The following JAGN1 variants were observed in gnomAD, a reference collection of about 807,000 sequenced individuals.
JAGN1 encodes the protein jagunal vesicle mediated transporter 1.
Under a neutral mutation model 17.1 loss-of-function variants are expected in JAGN1, and 13 were observed. The ratio of observed to expected loss-of-function variants is 0.76; its 90% CI spans 0.49 to 1.21. JAGN1 has a LOEUF of 1.21. Among genes scored for constraint, JAGN1 ranks in the 50% most tolerant of loss-of-function variants. JAGN1 has a pLI of 0.00. For synonymous variants in JAGN1, 111 were observed against 91.0 expected, an observed-to-expected ratio of 1.22 and a Z score of -1.25; for missense variants, 256 against 234.2, an observed-to-expected ratio of 1.09 and a Z score of -0.61.
Position 9,893,564 on chromosome 3 carries a change from T to G in JAGN1, c.*187T>G, listed in dbSNP as rs1339204063. 1.7e-6 allele frequency: 1 copy of G among 575,952 alleles called. No individual in the cohort carries two copies. The highest frequency in any genetic ancestry group is 3.0e-6 in the Non-Finnish European group (1 of 329,350). 35.7% of individuals were successfully genotyped at this position (575,952 alleles called of 1,614,324 possible). A position where few individuals can be genotyped will look rare whatever the true frequency, so the allele number is the denominator to read the frequency against. The stretch of plus-strand genomic sequence containing the variant: ...AAACTATAATTTATTCCTGGTTGGC[T>G]AGAACTGGGTGACCAACAGCTATGA... On this transcript the variant is annotated 3_prime_UTR_variant, in exon 2 of 2. Coordinates refer to ENST00000647897, the MANE Select transcript of JAGN1 (RefSeq NM_032492.4).
In JAGN1 at chr3:9,893,227, G is replaced by A; in HGVS notation, c.402G>A (p.Lys134=). 1.9e-6 allele frequency: 3 copies of A among 1,614,216 alleles called. No homozygotes were observed. The highest frequency in any genetic ancestry group is 2.5e-6 in the Non-Finnish European group (3 of 1,180,046). ...CACAGCAGCTCTACCGCCATGGCAA[G>A]GCCTACCGTTTCCTCTTTGGTTTTT... ...PAAQQLYRHG[K]AYRFLFGFSA... The change falls in exon 2 of 2, where the codon AAG becomes AAA. Residue 134 remains lysine, a synonymous_variant. Coordinates refer to ENST00000647897, the MANE Select transcript of JAGN1 (RefSeq NM_032492.4).
Position 9,890,656 on chromosome 3 carries a change from G to T in JAGN1, c.-67G>T. On this transcript the variant is annotated 5_prime_UTR_variant, in exon 1 of 2. Transcript: ENST00000647897. Reference sequence around the variant, plus strand: ...TGCGGGGGCGCAAATAGGGTCAGTGGGCCGCTTGGCGGTGTCGTTGCGGTA... The same window carrying T: ...TGCGGGGGCGCAAATAGGGTCAGTGTGCCGCTTGGCGGTGTCGTTGCGGTA... 2 of 1,483,012 alleles carry T rather than the reference G, an allele frequency of 1.3e-6. No homozygotes were observed. Among genetic ancestry groups the T allele is most frequent in the Admixed American group, 4.1e-5 (2 of 49,330 alleles). The allele number at this position is 1,483,012 out of a possible 1,614,324, so 91.9% of individuals were successfully genotyped here.
chr3:9,893,214 A>G lies in JAGN1; in HGVS notation c.389A>G (p.Tyr130Cys), dbSNP rs779485881. 16 of 1,614,010 alleles carry G rather than the reference A, an allele frequency of 9.9e-6. No homozygotes were observed. Among genetic ancestry groups the G allele is most frequent in the African/African-American group, 8.0e-5 (6 of 74,908 alleles). Residue 130 changes from tyrosine (Y) to cysteine (C), a missense_variant, in exon 2 of 2, where the codon TAC becomes TGC. By Grantham distance (194) the Tyr-to-Cys change is radical (BLOSUM62 -2). Transcript: ENST00000647897. ...MEMFPAAQQL[Y>C]RHGKAYRFLF... Reference sequence around the variant, plus strand: ...ATGTTCCCTGCTGCACAGCAGCTCTACCGCCATGGCAAGGCCTACCGTTTC... The same window carrying G: ...ATGTTCCCTGCTGCACAGCAGCTCTGCCGCCATGGCAAGGCCTACCGTTTC...
chr3:9,890,820 T>G lies in JAGN1; in HGVS notation c.89+9T>G, dbSNP rs2082557494. ...ATGCACTACCAGATGAGGTATGAAGTGAGGCGAGGAGCACGGAGGCTTTCT... is the reference window on the plus strand; with the variant it reads ...ATGCACTACCAGATGAGGTATGAAGGGAGGCGAGGAGCACGGAGGCTTTCT... On this transcript the variant is annotated intron_variant, in intron 1 of 1. Coordinates refer to ENST00000647897, the MANE Select transcript of JAGN1 (RefSeq NM_032492.4). 3.8e-6 allele frequency: 6 copies of G among 1,590,498 alleles called. No homozygotes were observed. In the East Asian group the frequency reaches 1.1e-4, roughly 30 times the overall value.
In JAGN1 at chr3:9,893,675, C is replaced by T. The variant is rs140146792; in HGVS notation, c.*298C>T. Reference sequence around the variant, plus strand: ...CTTGCCTCTACTCGGTCATTCTCCCCATTTCCATCCATTACCCCTTAGCCA... The same window carrying T: ...CTTGCCTCTACTCGGTCATTCTCCCTATTTCCATCCATTACCCCTTAGCCA... On this transcript the variant is annotated 3_prime_UTR_variant, in exon 2 of 2. Transcript: ENST00000647897. 417 of 365,014 alleles carry T rather than the reference C, an allele frequency of 1.1e-3. No homozygotes were observed. Among genetic ancestry groups the T allele is most frequent in the African/African-American group, 6.7e-3 (326 of 48,674 alleles). The allele number at this position is 365,014 out of a possible 1,614,324, so 22.6% of individuals were successfully genotyped here.
At chr3:9,892,785 C>T in intron 1 of JAGN1, 130 bp from the exon 2 acceptor site, 4 of 626,346 alleles carry the variant, frequency 6.4e-6, no homozygotes, top group African/African-American at 1.8e-5. Flanking sequence ...TTTTCCTCCT[C>T]TGTTCTTTGT....
At position 9,894,160 on chromosome 3, in the gene JAGN1, T is replaced by G. The variant is rs1236306695; in HGVS notation, c.*783T>G. The G allele has an allele frequency of 3.3e-5, 5 of 152,258 alleles. No individual in the cohort carries two copies. The allele number at this position is 152,258 out of a possible 1,614,324, so 9.4% of individuals were successfully genotyped here. A position where few individuals can be genotyped will look rare whatever the true frequency, so the allele number is the denominator to read the frequency against. On this transcript the variant is annotated 3_prime_UTR_variant, in exon 2 of 2. Coordinates refer to ENST00000647897, the MANE Select transcript of JAGN1 (RefSeq NM_032492.4). ...TTCAGTGTTAACTGGGTATCAGTTA[T>G]GAGTCTACTACTGTATAATGGCATC...
rs756567442 is a variant in JAGN1, at chr3:9,893,174, T to G, written c.349T>G (p.Tyr117Asp). 3 of 1,614,256 alleles carry G rather than the reference T, an allele frequency of 1.9e-6. No individual in the cohort carries two copies. The highest frequency in any genetic ancestry group is 8.5e-7 in the Non-Finnish European group (1 of 1,180,042). Residue 117 changes from tyrosine to aspartate, a missense_variant, in exon 2 of 2, where the codon TAT becomes GAT. Coordinates refer to ENST00000647897, the MANE Select transcript of JAGN1 (RefSeq NM_032492.4). ...MGLFSIAPLI[Y>D]GSMEMFPAAQ... ...ACTCTTTTCCATCGCTCCACTCATT[T>G]ATGGCAGCATGGAGATGTTCCCTGC...
Position 9,893,194 on chromosome 3 carries a change from C to T in JAGN1, c.369C>T (p.Phe123=). 2 of 1,614,210 alleles carry T rather than the reference C, an allele frequency of 1.2e-6. No individual in the cohort carries two copies. The highest frequency in any genetic ancestry group is 1.7e-6 in the Non-Finnish European group (2 of 1,180,040). The change falls in exon 2 of 2, where the codon TTC becomes TTT. Residue 123 remains phenylalanine (F), a synonymous_variant. Transcript: ENST00000647897. ...APLIYGSMEM[F]PAAQQLYRHG... is the part of the protein sequence containing the mutation. ...TCATTTATGGCAGCATGGAGATGTTCCCTGCTGCACAGCAGCTCTACCGCC... is the reference window on the plus strand; with the variant it reads ...TCATTTATGGCAGCATGGAGATGTTTCCTGCTGCACAGCAGCTCTACCGCC...
intron 1 of JAGN1, among the ~76,000 whole-genome samples, chr3:9,891,501 A>G (rs555662258): frequency 3.4e-4 from 52 of 152,126 alleles, no homozygotes; most frequent in Non-Finnish European, 6.8e-4. Flanking sequence ...AAGAAAAAAA[A>G]AACTGTTCCC....
chr3:9,893,275 G>C lies in JAGN1; in HGVS notation c.450G>C (p.Leu150=), dbSNP rs2082575494. The change falls in exon 2 of 2, where the codon CTG becomes CTC. Residue 150 remains leucine, a synonymous_variant. Coordinates refer to ENST00000647897, the MANE Select transcript of JAGN1 (RefSeq NM_032492.4). The part of the protein sequence containing the change: ...FGFSAVSIMY[L]VLVLAVQVHA... Reference sequence around the variant, plus strand: ...TTTCTGCCGTTTCCATCATGTACCTGGTGTTGGTGTTGGCAGTGCAAGTGC... The same window carrying C: ...TTTCTGCCGTTTCCATCATGTACCTCGTGTTGGTGTTGGCAGTGCAAGTGC... 2 of 1,614,168 alleles carry C rather than the reference G, an allele frequency of 1.2e-6. No homozygotes were observed. The highest frequency in any genetic ancestry group is 1.1e-5 in the South Asian group (1 of 91,078).
intron 1 of JAGN1, 86 bp downstream of exon 1, chr3:9,890,897 G>T: frequency 1.7e-6 from 2 of 1,195,036 alleles, no homozygotes; most frequent in Non-Finnish European, 2.4e-6. Flanking sequence ...CGGCCTCAGG[G>T]TCTTGCTCCC....
rs1188285496 is a variant in JAGN1 at position 9,893,317 on chromosome 3, C to A, written c.492C>A (p.Tyr164Ter). The A allele has an allele frequency of 1.2e-6, 2 of 1,614,064 alleles. No individual in the cohort carries two copies. The highest frequency in any genetic ancestry group is 2.7e-5 in the African/African-American group (2 of 74,930). ...LAVQVHAWQL[Y>*]YSKKLLDSWF... ...TGCAAGTGCATGCCTGGCAGTTGTA[C>A]TACAGCAAGAAGCTCCTAGACTCTT... Residue 164 changes from tyrosine (Y) to a stop codon, truncating the protein, a stop_gained, in exon 2 of 2, where the codon TAC becomes TAA. Transcript: ENST00000647897. LOFTEE classifies it high-confidence loss of function.
At position 9,893,517 on chromosome 3, in the gene JAGN1, T is replaced by C; in HGVS notation, c.*140T>C. The C allele has an allele frequency of 2.9e-6, 2 of 682,496 alleles. No homozygotes were observed. Among genetic ancestry groups the C allele is most frequent in the Non-Finnish European group, 4.8e-6 (2 of 418,152 alleles). 42.3% of individuals were successfully genotyped at this position (682,496 alleles called of 1,614,324 possible). A position where few individuals can be genotyped will look rare whatever the true frequency, so the allele number is the denominator to read the frequency against. On this transcript the variant is annotated 3_prime_UTR_variant, in exon 2 of 2. Coordinates refer to ENST00000647897, the MANE Select transcript of JAGN1 (RefSeq NM_032492.4). ...CAGGCCAAAGTTCTGGAAAGCTCCT[T>C]TTGCCATCTGCTGAGGTGGCAAAAC...
In JAGN1 at chr3:9,893,386, T is replaced by G. The variant is rs11554811; in HGVS notation, c.*9T>G. 270 of 1,595,390 alleles carry G rather than the reference T, an allele frequency of 1.7e-4. 2 individuals are homozygous for G. In the South Asian group the frequency reaches 2.9e-3, roughly 17 times the overall value. The stretch of plus-strand genomic sequence containing the variant: ...AGAAGAAGCATAAATGAAGCCTCTT[T>G]GGGGTGAAGCCTGGACATCCCATCG... On this transcript the variant is annotated 3_prime_UTR_variant, in exon 2 of 2. Coordinates refer to ENST00000647897, the MANE Select transcript of JAGN1 (RefSeq NM_032492.4).
rs572248666 is a variant in JAGN1, at chr3:9,893,056, G to A, written c.231G>A (p.Pro77=). The part of the protein sequence containing the change: ...QVAMPYQWEY[P]YLLSILPSLL... ...CCATGCCCTATCAGTGGGAATACCCGTATTTGCTGAGCATTTTGCCCTCTC... is the reference window on the plus strand; with the variant it reads ...CCATGCCCTATCAGTGGGAATACCCATATTTGCTGAGCATTTTGCCCTCTC... The change falls in exon 2 of 2, where the codon CCG becomes CCA. Residue 77 remains proline (P), a synonymous_variant. Transcript: ENST00000647897. 5 of 1,614,158 alleles carry A rather than the reference G, an allele frequency of 3.1e-6. No homozygotes were observed. Among genetic ancestry groups the A allele is most frequent in the East Asian group, 2.2e-5 (1 of 44,886 alleles).
At position 9,894,207 on chromosome 3, in the gene JAGN1, C is replaced by T. The variant is rs761790719; in HGVS notation, c.*830C>T. The T allele has an allele frequency of 6.6e-6, 1 of 152,098 alleles. No individual in the cohort carries two copies. The highest frequency in any genetic ancestry group is 2.4e-5 in the African/African-American group (1 of 41,394). The allele number at this position is 152,098 out of a possible 1,614,324, so 9.4% of individuals were successfully genotyped here. A position where few individuals can be genotyped will look rare whatever the true frequency, so the allele number is the denominator to read the frequency against. On this transcript the variant is annotated 3_prime_UTR_variant, in exon 2 of 2. Transcript: ENST00000647897. Reference sequence around the variant, plus strand: ...CATCCAAAAGAATTTTAAAGTACCTCGGTTTATAGGGATTTACAATTCAGT... The same window carrying T: ...CATCCAAAAGAATTTTAAAGTACCTTGGTTTATAGGGATTTACAATTCAGT...
chr3:9,893,440 A>G lies in JAGN1; in HGVS notation c.*63A>G. ...GAAAGGACACTAGTACAGCGGTTCC[A>G]AAATCCCTTCTGGTGATTTTAGCAG... On this transcript the variant is annotated 3_prime_UTR_variant, in exon 2 of 2. Transcript: ENST00000647897. The G allele has an allele frequency of 2.3e-6, 3 of 1,305,336 alleles. No homozygotes were observed. Among genetic ancestry groups the G allele is most frequent in the Non-Finnish European group, 3.1e-6 (3 of 962,468 alleles). 80.9% of individuals were successfully genotyped at this position (1,305,336 alleles called of 1,614,324 possible). A position where few individuals can be genotyped will look rare whatever the true frequency, so the allele number is the denominator to read the frequency against.
chr3:9,892,458 A>AGCCAGCAT (rs71052273), intron 1 of JAGN1, among the ~76,000 whole-genome samples: 1 of 151,046 alleles, frequency 6.6e-6, no homozygotes, highest in Non-Finnish European at 1.5e-5. Flanking sequence ...TAGAGTTGTG[A>AGCCAGCAT]GCCCAGCCTC....
Sources: allele counts gnomAD v4.1 joint callset (sites outside exome capture counted in the v4.1 genomes callset), GRCh38; gene constraint gnomAD v4.1.1; transcripts MANE v1.5; gene names NCBI Gene and HGNC (gene_info 2026-07-23, HGNC 2026-07-21).